The following ADRA1B variants were observed in gnomAD, a reference collection of about 807,000 sequenced individuals.
ADRA1B encodes the protein adrenoceptor alpha 1B.
Under a neutral mutation model 17.9 loss-of-function variants are expected in ADRA1B, and 17 were observed. The observed-to-expected ratio is 0.95, with a 90% CI of 0.65 to 1.42. The LOEUF (loss-of-function observed/expected upper bound fraction) is 1.42. Ranked by LOEUF, ADRA1B falls within the 40% of genes most tolerant of loss-of-function variation. The pLI, the probability that ADRA1B is intolerant of heterozygous loss-of-function variation, is 0.00. For synonymous variants in ADRA1B, 366 were observed against 327.6 expected, an observed-to-expected ratio of 1.12 and a Z score of -1.27; for missense variants, 681 against 722.1, an observed-to-expected ratio of 0.94 and a Z score of 0.65.
At position 159,950,470 on chromosome 5, in the gene ADRA1B, C is replaced by A. The variant is rs968246317; in HGVS notation, c.950-21409C>A. The A allele has an allele frequency of 1.4e-4, 176 of 1,295,074 alleles. No homozygotes were observed. In the Admixed American group the frequency reaches 2.6e-3, roughly 19 times the overall value. The allele number at this position is 1,295,074 out of a possible 1,614,324, so 80.2% of individuals were successfully genotyped here. A position where few individuals can be genotyped will look rare whatever the true frequency, so the allele number is the denominator to read the frequency against. ...CTTCTCGCTTCCTCTCATGCTCTCA[C>A]TGGGGCTGGTGGTCCAGGGGTGTTA... On this transcript the variant is annotated intron_variant, in intron 1 of 1. Coordinates refer to ENST00000306675, the MANE Select transcript of ADRA1B (RefSeq NM_000679.4).
intron 1 of ADRA1B, among the ~76,000 whole-genome samples, chr5:159,962,701 C>T (rs1202741324): frequency 1.4e-5 from 2 of 139,104 alleles, no homozygotes; most frequent in Admixed American, 7.4e-5. Context: ...GACAAGGTCT[C>T]GCTCTATTGC....
intron 1 of ADRA1B, chr5:159,950,792 T>G: frequency 5.0e-6 from 3 of 601,842 alleles, no homozygotes; most frequent in Admixed American, 5.1e-5. Context: ...ACGTTGGTGA[T>G]GTGGACACAG....
rs1755886739 is a variant in ADRA1B, at chr5:159,972,232, G to C, written c.1303G>C (p.Ala435Pro). 2 of 1,348,964 alleles carry C rather than the reference G, an allele frequency of 1.5e-6. No homozygotes were observed. Among genetic ancestry groups the C allele is most frequent in the African/African-American group, 3.1e-5 (2 of 65,254 alleles). 83.6% of individuals were successfully genotyped at this position (1,348,964 alleles called of 1,614,324 possible). A position where few individuals can be genotyped will look rare whatever the true frequency, so the allele number is the denominator to read the frequency against. ...SPSPGYLGRG[A>P]PPPVELCAFP... is the part of the protein sequence containing the mutation. Reference sequence around the variant, plus strand: ...GAGCCCGGGCTACCTGGGCCGCGGCGCGCCACCGCCAGTCGAGCTGTGCGC... The same window carrying C: ...GAGCCCGGGCTACCTGGGCCGCGGCCCGCCACCGCCAGTCGAGCTGTGCGC... Residue 435 changes from alanine (A) to proline (P), a missense_variant, in exon 2 of 2, where the codon GCG becomes CCG. Ala to Pro is a conservative substitution (Grantham distance 27, BLOSUM62 -1). Coordinates refer to ENST00000306675, the MANE Select transcript of ADRA1B (RefSeq NM_000679.4).
At chr5:159,950,408 G>A (rs1179823464) in intron 1 of ADRA1B, 2 of 708,380 alleles carry the variant, frequency 2.8e-6, no homozygotes, top group African/African-American at 1.7e-5. Flanking sequence ...AGTGTCATGG[G>A]GGACTGTGTG....
chr5:159,981,433 G>T, the ADRA1B span, among the ~76,000 whole-genome samples: 1 of 152,042 alleles, frequency 6.6e-6, no homozygotes, highest in Non-Finnish European at 1.5e-5. Flanking sequence ...TTTCATGAAG[G>T]TTACCCATAT....
chr5:159,879,983 G>A (rs922289774), intron 1 of ADRA1B, among the ~76,000 whole-genome samples: 3 of 152,098 alleles, frequency 2.0e-5, no homozygotes, highest in Non-Finnish European at 4.4e-5. Flanking sequence ...GATACAGAGC[G>A]AGACCCTGTC....
intron 1 of ADRA1B, chr5:159,871,007 A>G (rs1429218156): frequency 6.6e-6 from 1 of 152,218 alleles, no homozygotes; most frequent in Non-Finnish European, 1.5e-5. Context: ...TGAGATGCTC[A>G]TCCTGTGGGA....
chr5:159,958,905 C>A (rs902823726), intron 1 of ADRA1B, among the ~76,000 whole-genome samples: 2 of 152,212 alleles, frequency 1.3e-5, no homozygotes, highest in African/African-American at 4.8e-5. Flanking sequence ...CAAATTCAGT[C>A]TGGCATCAAA....
intron 1 of ADRA1B, chr5:159,948,126 A>C: frequency 1.0e-6 from 1 of 985,404 alleles, no homozygotes; most frequent in Non-Finnish European, 1.2e-6. Flanking sequence ...TCCTCAATCC[A>C]TACCAGTTCC....
chr5:159,938,226 T>C (rs1049186956), intron 1 of ADRA1B, among the ~76,000 whole-genome samples: 1 of 152,216 alleles, frequency 6.6e-6, no homozygotes, highest in African/African-American at 2.4e-5. Flanking sequence ...CCAGAATCCA[T>C]TCTGTTGAAG....
intron 1 of ADRA1B, among the ~76,000 whole-genome samples, chr5:159,962,296 G>A (rs947123906): frequency 3.9e-5 from 6 of 152,194 alleles, no homozygotes; most frequent in African/African-American, 1.4e-4. Context: ...AGGAACTAAC[G>A]AGGGGGCTGC....
At chr5:159,921,917 C>T (rs1754492580) in intron 1 of ADRA1B, among the ~76,000 whole-genome samples, 1 of 152,196 alleles carries the variant, frequency 6.6e-6, no homozygotes, top group Admixed American at 6.5e-5. Context: ...TTTCAAAACA[C>T]AGGGATTTGA....
chr5:159,917,390 C>T lies in ADRA1B; in HGVS notation c.485C>T (p.Ala162Val), dbSNP rs983541290. The T allele has an allele frequency of 1.2e-6, 2 of 1,614,138 alleles. No homozygotes were observed. The highest frequency in any genetic ancestry group is 1.7e-6 in the Non-Finnish European group (2 of 1,180,026). ...QYPTLVTRRK[A>V]ILALLSVWVL... The stretch of plus-strand genomic sequence containing the variant: ...CCCACGCTGGTCACCCGGAGGAAGG[C>T]CATCTTGGCGCTGCTCAGTGTCTGG... Residue 162 changes from alanine to valine, a missense_variant, in exon 1 of 2, where the codon GCC (alanine) becomes GTC (valine). Physicochemically the swap from Ala to Val is moderately conservative, Grantham distance 64 (BLOSUM62 0). Around this residue, in one of 3 missense-constraint regions of ADRA1B, gnomAD observed 424 missense variants for 480.2 expected, o/e 0.88. Coordinates refer to ENST00000306675, the MANE Select transcript of ADRA1B (RefSeq NM_000679.4).
rs530512140 is a variant in ADRA1B, at chr5:159,947,197, C to T, written c.950-24682C>T. Among the ~76,000 whole-genome samples, 11 of 152,096 alleles carry T rather than the reference C, an allele frequency of 7.2e-5. 1 individual carries two copies. The South Asian group carries it at 1.7e-3, about 23-fold the overall frequency. ...CTCTACTAAATAATAGAAAAATTAG[C>T]GAGGTGTGGTGTGGATGCCTGTAAT... On this transcript the variant is annotated intron_variant, in intron 1 of 1. Transcript: ENST00000306675.
chr5:159,921,947 A>G (rs1022286064), intron 1 of ADRA1B, among the ~76,000 whole-genome samples: 3 of 152,206 alleles, frequency 2.0e-5, no homozygotes, highest in Non-Finnish European at 4.4e-5. Flanking sequence ...AAATAAATCA[A>G]TTGGTTTGAG....
intron 1 of ADRA1B, among the ~76,000 whole-genome samples, chr5:159,895,939 C>G (rs1369573336): frequency 6.6e-6 from 1 of 152,186 alleles, no homozygotes; most frequent in East Asian, 1.9e-4. Context: ...ACTATAGGGG[C>G]TATGAAAGCA....
intron 1 of ADRA1B, among the ~76,000 whole-genome samples, chr5:159,940,532 A>G (rs1162202558): frequency 6.6e-6 from 1 of 152,034 alleles, no homozygotes; most frequent in Non-Finnish European, 1.5e-5. Context: ...TGCTTATTCT[A>G]TATTCATAGT....
rs184197801 is a variant in ADRA1B at position 159,955,501 on chromosome 5, A to G, written c.950-16378A>G. On this transcript the variant is annotated intron_variant, in intron 1 of 1. Transcript: ENST00000306675. ...GGAGCCTAATGGTCTAAGTGGCCCA[A>G]TCTCAATGTTTTACCATCTGATTCC... Among the ~76,000 whole-genome samples, 45 of 152,256 alleles carry G rather than the reference A, an allele frequency of 3.0e-4. No homozygotes were observed. In the East Asian group the frequency reaches 3.9e-3, roughly 13 times the overall value.
intron 1 of ADRA1B, among the ~76,000 whole-genome samples, chr5:159,940,115 A>G (rs895473240): frequency 1.3e-5 from 2 of 152,184 alleles, no homozygotes; most frequent in African/African-American, 2.4e-5. Flanking sequence ...ATCGATTCCA[A>G]TGTCACTTCT....
Sources: allele counts gnomAD v4.1 joint callset (sites outside exome capture counted in the v4.1 genomes callset), GRCh38; gene constraint gnomAD v4.1.1; regional missense constraint gnomAD v4.1.1; transcripts MANE v1.5; gene names NCBI Gene and HGNC (gene_info 2026-07-23, HGNC 2026-07-21).